GRM7: variants seen among roughly 807,000 people sequenced by gnomAD.
The protein encoded by GRM7 is metabotropic glutamate receptor 7.
A neutral mutation model predicts 84.5 loss-of-function variants in GRM7; 35 were observed. That is an observed-to-expected ratio of 0.41 (90% confidence interval 0.32 to 0.55). The LOEUF (loss-of-function observed/expected upper bound fraction) is 0.55, where lower values mean the gene tolerates loss of function less well. Ranked by LOEUF, GRM7 falls within the 20% of genes least tolerant of loss-of-function variation. The probability of loss-of-function intolerance (pLI) is 0.19; values close to 1 mark genes in which losing one functional copy is unlikely to be tolerated. For synonymous variants in GRM7, 487 were observed against 455.1 expected, an observed-to-expected ratio of 1.07 and a Z score of -0.89; for missense variants, 1,003 against 1,194.6, an observed-to-expected ratio of 0.84 and a Z score of 2.36.
chr3:7,712,735 A>G (rs1701627439), intron 9 of GRM7, among the ~76,000 whole-genome samples: 1 of 152,156 alleles, frequency 6.6e-6, no homozygotes, highest in Non-Finnish European at 1.5e-5. Context: ...GGCCTATGTT[A>G]CTTTCCCTGT....
chr3:7,311,575 T>C (rs1185721219), intron 4 of GRM7, among the ~76,000 whole-genome samples: 2 of 151,090 alleles, frequency 1.3e-5, no homozygotes, highest in Non-Finnish European at 2.9e-5. Flanking sequence ...GTCTCAATCT[T>C]ATGGCACTTG....
At chr3:7,619,690 T>A (rs1300361000) in intron 8 of GRM7, among the ~76,000 whole-genome samples, 1 of 152,158 alleles carries the variant, frequency 6.6e-6, no homozygotes, top group Non-Finnish European at 1.5e-5. Flanking sequence ...AATCTACTTA[T>A]GGCTAGATTC....
At chr3:7,333,673 T>C (rs1000081531) in intron 4 of GRM7, among the ~76,000 whole-genome samples, 1 of 149,664 alleles carries the variant, frequency 6.7e-6, no homozygotes, top group Non-Finnish European at 1.5e-5. Flanking sequence ...CTCAAGGATA[T>C]ACCAGAGCAA....
At chr3:7,535,218 G>A (rs1422696461) in intron 7 of GRM7, 2 of 151,608 alleles carry the variant, frequency 1.3e-5, no homozygotes, top group African/African-American at 2.4e-5. Flanking sequence ...CAGGAAATGA[G>A]ACAATCATGA....
At chr3:7,372,911 T>A (rs1220989142) in intron 4 of GRM7, among the ~76,000 whole-genome samples, 1 of 152,162 alleles carries the variant, frequency 6.6e-6, no homozygotes, top group Non-Finnish European at 1.5e-5. Flanking sequence ...GAAAGCAGTA[T>A]ATTTTCTCTC....
At chr3:7,528,852 A>G (rs143145719) in intron 7 of GRM7, among the ~76,000 whole-genome samples, 1,552 of 151,968 alleles carry the variant, frequency 0.01, 15 homozygotes, top group Middle Eastern at 0.024. Context: ...ATTGATTTCT[A>G]TTTTTATTCC....
intron 2 of GRM7, among the ~76,000 whole-genome samples, chr3:7,216,829 G>C (rs1388569689): frequency 2.0e-5 from 3 of 152,140 alleles, no homozygotes; most frequent in African/African-American, 7.2e-5. Context: ...CCAAATGATT[G>C]TTTAATGGAT....
intron 1 of GRM7, among the ~76,000 whole-genome samples, chr3:6,894,494 A>G (rs1013515546): frequency 3.9e-5 from 6 of 152,152 alleles, no homozygotes; most frequent in African/African-American, 9.7e-5. Flanking sequence ...ATGGGAGCAA[A>G]TAAGCCAAAT....
chr3:7,248,976 A>G (rs1024934049), intron 2 of GRM7, among the ~76,000 whole-genome samples: 1 of 152,132 alleles, frequency 6.6e-6, no homozygotes, highest in African/African-American at 2.4e-5. Context: ...CCAGGAGAAA[A>G]TAAATATAGA....
chr3:7,240,913 C>T (rs190392212), intron 2 of GRM7, among the ~76,000 whole-genome samples: 24 of 152,256 alleles, frequency 1.6e-4, no homozygotes, highest in Admixed American at 1.5e-3. Flanking sequence ...TAATTGCCTA[C>T]AGTATTCGGG....
At chr3:7,195,228 G>A (rs559920752) in intron 2 of GRM7, among the ~76,000 whole-genome samples, 1 of 152,252 alleles carries the variant, frequency 6.6e-6, no homozygotes, top group African/African-American at 2.4e-5. Flanking sequence ...ATTGCTCTCT[G>A]AATTGTGTAA....
At chr3:7,613,653 C>A (rs1350990300) in intron 8 of GRM7, among the ~76,000 whole-genome samples, 1 of 152,176 alleles carries the variant, frequency 6.6e-6, no homozygotes, top group African/African-American at 2.4e-5. Context: ...CATATGACCC[C>A]TTCCTGTGGA....
chr3:7,067,786 G>C (rs1018498265), intron 1 of GRM7, among the ~76,000 whole-genome samples: 2 of 151,926 alleles, frequency 1.3e-5, no homozygotes, highest in Non-Finnish European at 2.9e-5. Flanking sequence ...ATGTGCCCAT[G>C]AGGAAGGAAA....
At chr3:6,942,266 T>A (rs1697919875) in intron 1 of GRM7, among the ~76,000 whole-genome samples, 1 of 152,126 alleles carries the variant, frequency 6.6e-6, no homozygotes, top group Non-Finnish European at 1.5e-5. Flanking sequence ...ATATAATATA[T>A]CTAAAGGGCT....
chr3:7,070,930 C>A (rs1417146875), intron 1 of GRM7, among the ~76,000 whole-genome samples: 1 of 152,158 alleles, frequency 6.6e-6, no homozygotes, highest in Admixed American at 6.6e-5. Context: ...AAAAAGAGTT[C>A]TTTTTACTTT....
At chr3:7,468,440 G>A (rs1438757924) in intron 7 of GRM7, among the ~76,000 whole-genome samples, 2 of 152,178 alleles carry the variant, frequency 1.3e-5, no homozygotes, top group African/African-American at 4.8e-5. Context: ...GCTTATGGTA[G>A]TACCTATTTC....
chr3:7,222,238 A>G (rs1344451796), intron 2 of GRM7, among the ~76,000 whole-genome samples: 1 of 152,150 alleles, frequency 6.6e-6, no homozygotes, highest in Non-Finnish European at 1.5e-5. Context: ...AATTCTCAAG[A>G]TGTCACCCCA....
At chr3:7,554,507 T>G (rs553771024) in intron 7 of GRM7, among the ~76,000 whole-genome samples, 3 of 152,192 alleles carry the variant, frequency 2.0e-5, no homozygotes, top group Non-Finnish European at 4.4e-5. Flanking sequence ...CAAGTGTAAT[T>G]GTAATCAGTG....
chr3:7,476,264 G>T (rs1698917356), intron 7 of GRM7, among the ~76,000 whole-genome samples: 1 of 152,180 alleles, frequency 6.6e-6, no homozygotes, highest in Admixed American at 6.5e-5. Context: ...AAAGTGACTA[G>T]GGGCTGGGCG....
Sources: allele counts gnomAD v4.1 joint callset (sites outside exome capture counted in the v4.1 genomes callset), GRCh38; gene constraint gnomAD v4.1.1; transcripts MANE v1.5; gene names NCBI Gene and HGNC (gene_info 2026-07-23, HGNC 2026-07-21).